Variants in SLC12A4 observed in about 807,000 individuals in gnomAD.
The protein encoded by SLC12A4 is solute carrier family 12 member 4, also known as electroneutral potassium-chloride cotransporter 1.
SLC12A4 carries 84 observed loss-of-function variants against 119.2 expected under a neutral mutation model. The observed-to-expected ratio is 0.70, with a 90% CI of 0.59 to 0.85. The LOEUF (loss-of-function observed/expected upper bound fraction) is 0.85, where lower values mean the gene tolerates loss of function less well. SLC12A4 is among the 40% of genes least tolerant of loss of function. SLC12A4 has a pLI of 0.00. For synonymous variants in SLC12A4, 599 were observed against 604.6 expected, an observed-to-expected ratio of 0.99 and a Z score of 0.14; for missense variants, 1,298 against 1,476.3, an observed-to-expected ratio of 0.88 and a Z score of 1.98.
chr16:67,968,270 G>C (rs2030951331), intron 1 of SLC12A4, among the ~76,000 whole-genome samples, 169 bp downstream of exon 1: 1 of 152,014 alleles, frequency 6.6e-6, no homozygotes, highest in Non-Finnish European at 1.5e-5. Flanking sequence ...AATCGTGTCT[G>C]CGCGCGCAGG....
chr16:67,957,653 C>A, intron 5 of SLC12A4, 89 bp downstream of exon 5: 1 of 1,477,314 alleles, frequency 6.8e-7, no homozygotes. Flanking sequence ...CTGCTTGGGG[C>A]AGGGGTGTGC....
rs552566818 is a variant in SLC12A4, at chr16:67,954,467, G to C, written c.675+176C>G. Among the ~76,000 whole-genome samples the C allele has an allele frequency of 7.9e-5, 12 of 152,340 alleles. No homozygotes were observed. The East Asian group carries it at 2.3e-3, about 29-fold the overall frequency. ...GCCTTGCCTGGCCCAAACTGGCATGGAGGTGAAAGGAAGACCAGCCTGAGT... is the reference window on the plus strand; with the variant it reads ...GCCTTGCCTGGCCCAAACTGGCATGCAGGTGAAAGGAAGACCAGCCTGAGT... On this transcript the variant is annotated intron_variant, in intron 6 of 23. Transcript: ENST00000316341.
intron 15 of SLC12A4, 47 bp from the exon 16 acceptor site, chr16:67,947,482 G>T (rs1212701709): frequency 1.5e-5 from 24 of 1,577,968 alleles, no homozygotes; most frequent in Non-Finnish European, 2.1e-5. Flanking sequence ...CGCCCAGGGG[G>T]TTCTGTCTAT....
At position 67,950,788 on chromosome 16, in the gene SLC12A4, C is replaced by G. The variant is rs2058405761; in HGVS notation, c.1397-77G>C. 6.5e-7 allele frequency: 1 copy of G among 1,540,928 alleles called. No individual in the cohort carries two copies. The highest frequency in any genetic ancestry group is 8.8e-7 in the Non-Finnish European group (1 of 1,133,230). On this transcript the variant is annotated intron_variant, in intron 10 of 23. Transcript: ENST00000316341. This position sits in a 1 kb window ranked among gnomAD's most constrained non-coding sequence, Gnocchi z 4.3. The stretch of plus-strand genomic sequence containing the variant: ...TAGTACCACGTGCCCCCACCCCAGC[C>G]AGACTACCAGGACACCTACAGCTGG...
rs778356116 is a variant in SLC12A4 at position 67,951,242 on chromosome 16, C to A, written c.1195G>T (p.Ala399Ser). The A allele has an allele frequency of 6.2e-7, 1 of 1,614,060 alleles. No homozygotes were observed. Among genetic ancestry groups the A allele is most frequent in the Non-Finnish European group, 8.5e-7 (1 of 1,179,968 alleles). Reference sequence around the variant, plus strand: ...CTCTCCTTCAGGCTCGGGGCATCTGCGGAGGGCAGCCCATGCTTCTCCACG... The same window carrying A: ...CTCTCCTTCAGGCTCGGGGCATCTGAGGAGGGCAGCCCATGCTTCTCCACG... ...DIVEKHGLPS[A>S]DAPSLKESLP... Residue 399 changes from alanine (A) to serine (S), a missense_variant, in exon 9 of 24, where the codon GCA becomes TCA. Ala to Ser is a moderately conservative substitution (Grantham distance 99, BLOSUM62 1). Coordinates refer to ENST00000316341, the MANE Select transcript of SLC12A4 (RefSeq NM_005072.5). The surrounding 1 kb of genome is among the most constrained non-coding windows in gnomAD (Gnocchi z 5.2).
chr16:67,968,147 G>A (rs911848827), intron 1 of SLC12A4, among the ~76,000 whole-genome samples: 1 of 152,098 alleles, frequency 6.6e-6, no homozygotes, highest in African/African-American at 2.4e-5. Context: ...AAGCCGGGCG[G>A]CCCGGCCGGC....
intron 1 of SLC12A4, chr16:67,964,067 C>T (rs992324481): frequency 3.2e-6 from 5 of 1,541,764 alleles, no homozygotes; most frequent in Non-Finnish European, 4.4e-6. Context: ...CCATGCACTG[C>T]GCGGGGGGCG....
At chr16:67,963,924 G>A (rs780408683) in intron 1 of SLC12A4, 82 of 1,551,328 alleles carry the variant, frequency 5.3e-5, no homozygotes, top group Middle Eastern at 3.3e-4. Context: ...CGGTCTTTCC[G>A]GAGTACCCAA....
At position 67,963,954 on chromosome 16, in the gene SLC12A4, T is replaced by TCGGTGTCCTCAGGGACCGCCCAGG. The variant is rs1342830779; in HGVS notation, c.116-419_116-396dup. Reference sequence around the variant, plus strand: ...ACCCAATGTGCAGGATGCCAAGGGTTCGGTGTCCTCAGGGACCGCCCAGGC... The same window carrying TCGGTGTCCTCAGGGACCGCCCAGG: ...ACCCAATGTGCAGGATGCCAAGGGTTCGGTGTCCTCAGGGACCGCCCAGGCGGTGTCCTCAGGGACCGCCCAGGC... On this transcript the variant is annotated intron_variant, in intron 1 of 23. Transcript: ENST00000316341. The TCGGTGTCCTCAGGGACCGCCCAGG allele has an allele frequency of 4.2e-5, 65 of 1,551,512 alleles. No homozygotes were observed. The Admixed American group carries it at 4.9e-4, about 12-fold the overall frequency.
rs751480378 is a variant in SLC12A4 at position 67,945,160 on chromosome 16, C to G, written c.3093G>C (p.Thr1031=). The change falls in exon 23 of 24, where the codon ACG becomes ACC. Residue 1031 remains threonine (T), a synonymous_variant. Coordinates refer to ENST00000316341, the MANE Select transcript of SLC12A4 (RefSeq NM_005072.5). The stretch of plus-strand genomic sequence containing the variant: ...GAACCAGGCGGGCGTCGTGGGAGCG[C>G]GTGACAATGACTTCATTGAGCTTCA... ...TAVKLNEVIV[T]RSHDARLVLL... is the part of the protein sequence containing the mutation. 2 of 1,597,286 alleles carry G rather than the reference C, an allele frequency of 1.3e-6. No homozygotes were observed. The highest frequency in any genetic ancestry group is 1.7e-6 in the Non-Finnish European group (2 of 1,170,664).
chr16:67,951,419 C>T lies in SLC12A4; in HGVS notation c.1133-115G>A. The T allele has an allele frequency of 1.7e-6, 2 of 1,198,218 alleles. No individual in the cohort carries two copies. The highest frequency in any genetic ancestry group is 2.3e-6 in the Non-Finnish European group (2 of 859,402). 74.2% of individuals were successfully genotyped at this position (1,198,218 alleles called of 1,614,324 possible). A position where few individuals can be genotyped will look rare whatever the true frequency, so the allele number is the denominator to read the frequency against. ...ACTTTGGGGACTCAGGGAACAGCTT[C>T]AGCCCAATGACTGCAGCGTCAGCCA... On this transcript the variant is annotated intron_variant, in intron 8 of 23. Transcript: ENST00000316341. The surrounding 1 kb of genome is among the most constrained non-coding windows in gnomAD (Gnocchi z 5.2).
intron 3 of SLC12A4, 85 bp from the exon 4 acceptor site, chr16:67,958,129 C>G: frequency 6.8e-7 from 1 of 1,477,556 alleles, no homozygotes; most frequent in East Asian, 2.3e-5. Flanking sequence ...AGCAGGCCCC[C>G]TCCCCCAGTG....
In SLC12A4 at chr16:67,943,809, C is replaced by T. The variant is rs576994918; in HGVS notation, c.*1031G>A. ...ATTCCTCTAAGGGACAAGCTTTTGG[C>T]CCCTCCCCACACCAGGGCAGGTACT... is the stretch of plus-strand genomic sequence containing the variant. On this transcript the variant is annotated 3_prime_UTR_variant, in exon 24 of 24. Transcript: ENST00000316341. This position sits in a 1 kb window ranked among gnomAD's most constrained non-coding sequence, Gnocchi z 4.6. 1.2e-4 allele frequency: 99 copies of T among 792,676 alleles called. No homozygotes were observed. The highest frequency in any genetic ancestry group is 1.6e-4 in the Non-Finnish European group (83 of 507,262). 49.1% of individuals were successfully genotyped at this position (792,676 alleles called of 1,614,324 possible).
In SLC12A4 at chr16:67,950,011, C is replaced by T. The variant is rs1315679271; in HGVS notation, c.1630-93G>A. ...CCTGGCCTCCCTCACCCCCAGGGCC[C>T]GCCTTGGGGGCTCAGGCCGCCCCTG... On this transcript the variant is annotated intron_variant, in intron 12 of 23. Transcript: ENST00000316341. The surrounding 1 kb of genome is among the most constrained non-coding windows in gnomAD (Gnocchi z 4.3). 8 of 1,010,740 alleles carry T rather than the reference C, an allele frequency of 7.9e-6. No homozygotes were observed. The highest frequency in any genetic ancestry group is 4.1e-5 in the South Asian group (3 of 73,774). The allele number at this position is 1,010,740 out of a possible 1,614,324, so 62.6% of individuals were successfully genotyped here.
intron 5 of SLC12A4, among the ~76,000 whole-genome samples, chr16:67,955,312 G>A (rs867393977): frequency 1.4e-4 from 21 of 152,340 alleles, no homozygotes; most frequent in Middle Eastern, 3.4e-3. Flanking sequence ...TCATGACCAG[G>A]CCCCAGGGTG....
chr16:67,946,023 G>A lies in SLC12A4; in HGVS notation c.2667C>T (p.Ile889=), dbSNP rs1312918015. 2 of 1,614,068 alleles carry A rather than the reference G, an allele frequency of 1.2e-6. No individual in the cohort carries two copies. The highest frequency in any genetic ancestry group is 2.2e-5 in the East Asian group (1 of 44,880). The change falls in exon 20 of 24, where the codon ATC becomes ATT. Residue 889 remains isoleucine (I), a synonymous_variant. Coordinates refer to ENST00000316341, the MANE Select transcript of SLC12A4 (RefSeq NM_005072.5). ...FTVAQMDDNS[I]QMKKDLAVFL... ...AGACAGCCAGGTCCTTCTTCATCTG[G>A]ATGCTGTTGTCATCCATCTGGGCCA... is the stretch of plus-strand genomic sequence containing the variant.
chr16:67,964,414 C>A (rs1259000062), intron 1 of SLC12A4, among the ~76,000 whole-genome samples: 1 of 152,080 alleles, frequency 6.6e-6, no homozygotes, highest in African/African-American at 2.4e-5. Flanking sequence ...TTTTTTCTGG[C>A]CTCCTATCAT....
In SLC12A4 at chr16:67,949,252, C is replaced by T. The variant is rs1423691009; in HGVS notation, c.1748+548G>A. Reference sequence around the variant, plus strand: ...ATCATCTGACGTCAGGAGTTCGACACCAGCCTGGCCAAGATGGTAAAACGC... The same window carrying T: ...ATCATCTGACGTCAGGAGTTCGACATCAGCCTGGCCAAGATGGTAAAACGC... On this transcript the variant is annotated intron_variant, in intron 13 of 23. Coordinates refer to ENST00000316341, the MANE Select transcript of SLC12A4 (RefSeq NM_005072.5). The surrounding 1 kb of genome is among the most constrained non-coding windows in gnomAD (Gnocchi z 4.6). Among the ~76,000 whole-genome samples the T allele has an allele frequency of 1.3e-5, 2 of 152,302 alleles. No homozygotes were observed. The highest frequency in any genetic ancestry group is 2.1e-4 in the South Asian group (1 of 4,832).
chr16:67,966,879 A>T, intron 1 of SLC12A4: 1 of 1,512,558 alleles, frequency 6.6e-7, no homozygotes, highest in Non-Finnish European at 8.9e-7. Flanking sequence ...AGCAGGACTC[A>T]GCCAATGTAG....
Sources: allele counts gnomAD v4.1 joint callset (sites outside exome capture counted in the v4.1 genomes callset), GRCh38; gene constraint gnomAD v4.1.1; non-coding constraint Gnocchi (gnomAD v3.1); transcripts MANE v1.5; gene names NCBI Gene and HGNC (gene_info 2026-07-23, HGNC 2026-07-21).